Variants in RBM33 observed in about 807,000 individuals in gnomAD.
RBM33 encodes RNA binding motif protein 33, also known as RNA-binding protein 33.
Under a neutral mutation model 132.6 loss-of-function variants are expected in RBM33, and 28 were observed. The observed-to-expected ratio is 0.21, with a 90% CI of 0.16 to 0.29. The LOEUF (loss-of-function observed/expected upper bound fraction) is 0.29. RBM33 is among the 10% of genes least tolerant of loss of function. The probability of loss-of-function intolerance (pLI) is 1.00; values close to 1 mark genes in which losing one functional copy is unlikely to be tolerated. For missense variants in RBM33, 1,291 were observed against 1,518.5 expected (o/e 0.85, Z 2.49); for synonymous variants, 634 against 593.0 (o/e 1.07, Z -1.01).
rs1050014680 is a variant in RBM33, at chr7:155,735,424, G to A, written c.1261-2106G>A. On this transcript the variant is annotated intron_variant, in intron 9 of 17. Transcript: ENST00000401878. ...AGATATTAAATATTCAAGAATATTG[G>A]CCAGGTGTTGTGGCTCATGTCTGTA... Among the ~76,000 whole-genome samples, 74 of 152,180 alleles carry A rather than the reference G, an allele frequency of 4.9e-4. 1 individual carries two copies. Among genetic ancestry groups the A allele is most frequent in the South Asian group, 2.1e-4 (1 of 4,836 alleles).
chr7:155,750,701 C>CA (rs1169989648), intron 14 of RBM33, among the ~76,000 whole-genome samples: 1 of 151,520 alleles, frequency 6.6e-6, no homozygotes, highest in African/African-American at 2.4e-5. Context: ...TAAATGTTAC[C>CA]ACCCTTTTAG....
chr7:155,737,385 G>GTGTGTT, intron 9 of RBM33, 145 bp from the exon 10 acceptor site: 1 of 669,450 alleles, frequency 1.5e-6, no homozygotes, highest in Non-Finnish European at 2.4e-6. Context: ...GTGTGTGTGT[G>GTGTGTT]TAGAAAGAGA....
chr7:155,664,576 A>G (rs776882557), intron 1 of RBM33, among the ~76,000 whole-genome samples: 1 of 152,128 alleles, frequency 6.6e-6, no homozygotes, highest in Non-Finnish European at 1.5e-5. Context: ...CCAGCCATAC[A>G]TACTGTGATA....
chr7:155,697,468 C>T (rs2116951981), intron 5 of RBM33, among the ~76,000 whole-genome samples: 1 of 152,196 alleles, frequency 6.6e-6, no homozygotes, highest in South Asian at 2.1e-4. Context: ...GAATGACTTT[C>T]ATTTTTATTT....
chr7:155,710,041 G>A (rs1356767593), intron 7 of RBM33, among the ~76,000 whole-genome samples: 2 of 151,992 alleles, frequency 1.3e-5, no homozygotes, highest in East Asian at 3.9e-4. Context: ...ATCTCACACT[G>A]CTGTGAATGA....
intron 9 of RBM33, among the ~76,000 whole-genome samples, chr7:155,730,384 A>G (rs570719827): frequency 2.0e-5 from 3 of 152,254 alleles, no homozygotes; most frequent in Non-Finnish European, 4.4e-5. Context: ...CAGAAGCTAT[A>G]TATCGTATTT....
At chr7:155,704,697 C>G (rs1010471170) in intron 6 of RBM33, among the ~76,000 whole-genome samples, 2 of 152,162 alleles carry the variant, frequency 1.3e-5, no homozygotes, top group Non-Finnish European at 2.9e-5. Flanking sequence ...GAGTAGGCTT[C>G]CAGATTATTT....
At chr7:155,687,182 T>C (rs1293190187) in intron 5 of RBM33, among the ~76,000 whole-genome samples, 1 of 152,252 alleles carries the variant, frequency 6.6e-6, no homozygotes, top group Non-Finnish European at 1.5e-5. Context: ...CTAACTGGCG[T>C]GAGATGGTAT....
chr7:155,737,853 A>G (rs1360300429), intron 10 of RBM33, among the ~76,000 whole-genome samples, 191 bp downstream of exon 10: 1 of 152,204 alleles, frequency 6.6e-6, no homozygotes, highest in African/African-American at 2.4e-5. Context: ...TGAAATCGGA[A>G]CATCTCATAT....
intron 1 of RBM33, among the ~76,000 whole-genome samples, chr7:155,649,899 G>T (rs932663400): frequency 2.6e-5 from 4 of 152,180 alleles, no homozygotes; most frequent in African/African-American, 9.7e-5. Flanking sequence ...TTCTGCATAT[G>T]CGTAGCTCAA....
At chr7:155,665,151 G>T in intron 1 of RBM33, 24 bp from the exon 2 acceptor site, 1 of 1,606,940 alleles carries the variant, frequency 6.2e-7, no homozygotes, top group South Asian at 1.1e-5. Context: ...TAGTAAAACT[G>T]ACTTCAATGG....
intron 7 of RBM33, 153 bp downstream of exon 7, chr7:155,707,221 T>C: frequency 2.7e-6 from 2 of 749,682 alleles, no homozygotes; most frequent in Non-Finnish European, 4.8e-6. Flanking sequence ...TATAGTCTCA[T>C]GTGATGTTGC....
chr7:155,704,804 TATC>T (rs1451238419), intron 6 of RBM33, among the ~76,000 whole-genome samples: 3 of 152,198 alleles, frequency 2.0e-5, no homozygotes, highest in Admixed American at 2.0e-4. Context: ...CTTGAAATAA[TATC>T]ATTAATTTCA....
intron 8 of RBM33, among the ~76,000 whole-genome samples, chr7:155,717,641 A>G (rs981809194): frequency 2.6e-5 from 4 of 152,182 alleles, no homozygotes; most frequent in African/African-American, 4.8e-5. Context: ...ACGTAGCTGC[A>G]CTTAGATTGT....
chr7:155,681,181 G>A (rs1424494754), intron 5 of RBM33, among the ~76,000 whole-genome samples: 1 of 152,144 alleles, frequency 6.6e-6, no homozygotes, highest in Non-Finnish European at 1.5e-5. Flanking sequence ...TGTGTGGTGG[G>A]GATACACTGT....
At chr7:155,706,702 G>A in intron 6 of RBM33, 158 bp from the exon 7 acceptor site, 1 of 602,304 alleles carries the variant, frequency 1.7e-6, no homozygotes, top group East Asian at 2.8e-5. Flanking sequence ...TGTGTTGCTG[G>A]TTGTATCGTA....
intron 14 of RBM33, among the ~76,000 whole-genome samples, chr7:155,747,846 C>T (rs1801566268): frequency 6.6e-6 from 1 of 152,340 alleles, no homozygotes; most frequent in East Asian, 1.9e-4. Flanking sequence ...TAGGATTTGC[C>T]TAATGGCATT....
At chr7:155,729,890 C>G (rs577112674) in intron 9 of RBM33, among the ~76,000 whole-genome samples, 1 of 152,236 alleles carries the variant, frequency 6.6e-6, no homozygotes, top group South Asian at 2.1e-4. Context: ...GCTTAAGAGC[C>G]TCAGGCAGTT....
intron 14 of RBM33, among the ~76,000 whole-genome samples, chr7:155,762,960 A>T (rs111252383): frequency 6.6e-6 from 1 of 152,318 alleles, no homozygotes; most frequent in East Asian, 1.9e-4. Flanking sequence ...GTTCTTTGGG[A>T]AAAAGACTAC....
Sources: gnomAD v4.1 joint callset for allele counts (sites outside exome capture counted in the v4.1 genomes callset) on GRCh38, gnomAD v4.1.1 for gene constraint, MANE v1.5 for transcripts, NCBI Gene and HGNC (gene_info 2026-07-23, HGNC 2026-07-21) for gene names.